Variants in VPS35L observed in about 807,000 individuals in gnomAD.
The protein encoded by VPS35L is VPS35 endosomal protein sorting factor like.
VPS35L carries 83 observed loss-of-function variants against 133.0 expected under a neutral mutation model. The observed-to-expected ratio is 0.62, with a 90% CI of 0.52 to 0.75. The LOEUF is 0.75. Among genes scored for constraint, VPS35L ranks in the 30% least tolerant of loss-of-function variants. The probability of loss-of-function intolerance (pLI) is 0.00; values close to 1 mark genes in which losing one functional copy is unlikely to be tolerated. For synonymous variants in VPS35L, 423 were observed against 449.9 expected, an observed-to-expected ratio of 0.94 and a Z score of 0.76; for missense variants, 1,083 against 1,206.8, an observed-to-expected ratio of 0.90 and a Z score of 1.52.
chr16:19,578,401 C>T (rs1430368391), intron 5 of VPS35L: 2 of 418,816 alleles, frequency 4.8e-6, no homozygotes, highest in Non-Finnish European at 4.6e-6. Context: ...AGAACAGAGG[C>T]CCCCTAAAGA....
chr16:19,669,268 G>A lies in VPS35L; in HGVS notation c.2330G>A (p.Cys777Tyr), dbSNP rs908946876. 6.2e-7 allele frequency: 1 copy of A among 1,612,696 alleles called. No homozygotes were observed. Among genetic ancestry groups the A allele is most frequent in the Non-Finnish European group, 8.5e-7 (1 of 1,179,150 alleles). The change falls in exon 27 of 31, where the codon TGC (cysteine) becomes TAC (tyrosine). Residue 777 changes from cysteine to tyrosine, a missense_variant. Coordinates refer to ENST00000417362, the MANE Select transcript of VPS35L (RefSeq NM_020314.7). The part of the protein sequence containing the change: ...PSESFLLEFL[C>Y]NFFSTLLIVP... Reference sequence around the variant, plus strand: ...GAATCGTTCCTTCTGGAATTCCTCTGCAATTTCTTTTCTACTTTATTAATA... The same window carrying A: ...GAATCGTTCCTTCTGGAATTCCTCTACAATTTCTTTTCTACTTTATTAATA...
intron 30 of VPS35L, among the ~76,000 whole-genome samples, 194 bp from the exon 31 acceptor site, chr16:19,700,184 G>A (rs962070852): frequency 3.9e-5 from 6 of 152,282 alleles, no homozygotes; most frequent in Middle Eastern, 3.4e-3. Context: ...TTCTGGTCAC[G>A]TCCAAATCTG....
At chr16:19,592,242 GTT>G (rs1164969618) in intron 8 of VPS35L, among the ~76,000 whole-genome samples, 279 of 134,044 alleles carry the variant, frequency 2.1e-3, no homozygotes, top group African/African-American at 6.9e-3. Context: ...GCCCAGCTAA[GTT>G]TTTTTTTTTT....
At chr16:19,597,325 T>C (rs777819341) in intron 8 of VPS35L, among the ~76,000 whole-genome samples, 6 of 150,642 alleles carry the variant, frequency 4.0e-5, no homozygotes, top group Non-Finnish European at 7.4e-5. Context: ...TGAGCTATGA[T>C]GGTACCACTG....
Position 19,700,536 on chromosome 16 carries a change from G to A in VPS35L, c.*60G>A. On this transcript the variant is annotated 3_prime_UTR_variant, in exon 31 of 31. Coordinates refer to ENST00000417362, the MANE Select transcript of VPS35L (RefSeq NM_020314.7). ...TGCCAAATCCAGAAAGATCTGCTCT[G>A]CTGCCCTGAACTCTTACGGCAATTT... The A allele has an allele frequency of 1.4e-6, 2 of 1,400,178 alleles. No homozygotes were observed. Among genetic ancestry groups the A allele is most frequent in the Non-Finnish European group, 2.0e-6 (2 of 991,142 alleles). 86.7% of individuals were successfully genotyped at this position (1,400,178 alleles called of 1,614,324 possible). A position where few individuals can be genotyped will look rare whatever the true frequency, so the allele number is the denominator to read the frequency against.
At chr16:19,663,444 GT>G (rs1254890706) in intron 26 of VPS35L, among the ~76,000 whole-genome samples, 1 of 151,852 alleles carries the variant, frequency 6.6e-6, no homozygotes, top group Non-Finnish European at 1.5e-5. Flanking sequence ...ATCTACATAA[GT>G]TTATATACTT....
Position 19,576,848 on chromosome 16 carries a change from A to G in VPS35L, c.433+1726A>G, listed in dbSNP as rs1971555713. Among the ~76,000 whole-genome samples the G allele has an allele frequency of 2.0e-5, 3 of 151,906 alleles. No homozygotes were observed. In the South Asian group the frequency reaches 6.2e-4, roughly 31 times the overall value. The stretch of plus-strand genomic sequence containing the variant: ...CAGCCTTCTGAGTTACTGGGACTAT[A>G]GGTGTGCACCACCAGGCCCAGCTAA... On this transcript the variant is annotated intron_variant, in intron 5 of 30. Coordinates refer to ENST00000417362, the MANE Select transcript of VPS35L (RefSeq NM_020314.7).
At chr16:19,595,730 T>C (rs964284392) in intron 8 of VPS35L, among the ~76,000 whole-genome samples, 2 of 152,214 alleles carry the variant, frequency 1.3e-5, no homozygotes, top group African/African-American at 4.8e-5. Flanking sequence ...CTCCCCGGGC[T>C]GTAGTGCAGA....
intron 9 of VPS35L, among the ~76,000 whole-genome samples, chr16:19,602,059 A>G (rs576415531): frequency 2.6e-5 from 4 of 151,702 alleles, no homozygotes; most frequent in South Asian, 4.2e-4. Flanking sequence ...ACTTGCTTGG[A>G]AAAAAAAATC....
At chr16:19,664,656 T>A (rs780918288) in intron 26 of VPS35L, among the ~76,000 whole-genome samples, 143 of 151,622 alleles carry the variant, frequency 9.4e-4, no homozygotes, top group Non-Finnish European at 1.4e-3. Context: ...ATCCCAGCAC[T>A]TTGGGAAGCC....
intron 20 of VPS35L, among the ~76,000 whole-genome samples, chr16:19,638,805 A>T (rs1249374871): frequency 2.0e-5 from 3 of 152,152 alleles, no homozygotes. Flanking sequence ...TGAGCAATGC[A>T]CAATTTCAAA....
intron 27 of VPS35L, among the ~76,000 whole-genome samples, chr16:19,676,365 C>T (rs1975062748): frequency 6.6e-6 from 1 of 152,206 alleles, no homozygotes; most frequent in Admixed American, 6.5e-5. Context: ...CAGGGTGGCC[C>T]TCTCTCCCCT....
chr16:19,633,234 G>A lies in VPS35L; in HGVS notation c.1635+62G>A. On this transcript the variant is annotated intron_variant, in intron 19 of 30. Transcript: ENST00000417362. This position sits in a 1 kb window ranked among gnomAD's most constrained non-coding sequence, Gnocchi z 4.1. Reference sequence around the variant, plus strand: ...GAATTTTGTTCTGTTGAATTAAATAGGCGTGTTGTATGGGTCAGGCTATAA... The same window carrying A: ...GAATTTTGTTCTGTTGAATTAAATAAGCGTGTTGTATGGGTCAGGCTATAA... The A allele has an allele frequency of 1.4e-6, 2 of 1,464,964 alleles. No homozygotes were observed. Among genetic ancestry groups the A allele is most frequent in the South Asian group, 2.3e-5 (2 of 87,972 alleles). 90.7% of individuals were successfully genotyped at this position (1,464,964 alleles called of 1,614,324 possible).
intron 6 of VPS35L, among the ~76,000 whole-genome samples, chr16:19,580,301 AG>A (rs1328990755): frequency 6.6e-6 from 1 of 150,576 alleles, no homozygotes; most frequent in East Asian, 2.0e-4. Context: ...TTTAGGTGAG[AG>A]GGTTTCACGA....
chr16:19,599,061 A>C (rs980719773), intron 8 of VPS35L, among the ~76,000 whole-genome samples: 1 of 152,228 alleles, frequency 6.6e-6, no homozygotes, highest in African/African-American at 2.4e-5. Context: ...TAGGGAACCC[A>C]GAGCCGCTGA....
intron 13 of VPS35L, 104 bp from the exon 14 acceptor site, chr16:19,616,582 C>T: frequency 7.2e-7 from 1 of 1,379,920 alleles, no homozygotes; most frequent in Non-Finnish European, 9.9e-7. Context: ...TCTCTCAGGG[C>T]TGTCCACATG....
chr16:19,643,616 C>T (rs952819496), intron 22 of VPS35L, among the ~76,000 whole-genome samples: 1 of 152,034 alleles, frequency 6.6e-6, no homozygotes. Flanking sequence ...CCATAGCCAC[C>T]CCTAGCTGGG....
intron 26 of VPS35L, among the ~76,000 whole-genome samples, chr16:19,653,958 TC>T (rs1456733481): frequency 2.6e-5 from 4 of 152,102 alleles, no homozygotes; most frequent in African/African-American, 9.7e-5. Context: ...CCTCTTGATT[TC>T]CCCTGTGAGC....
At chr16:19,671,594 T>G (rs1974875862) in intron 27 of VPS35L, among the ~76,000 whole-genome samples, 2 of 151,576 alleles carry the variant, frequency 1.3e-5, no homozygotes, top group African/African-American at 4.9e-5. Flanking sequence ...CTGGCCAACA[T>G]GGTAAAACCC....
Sources: gnomAD v4.1 joint callset for allele counts (sites outside exome capture counted in the v4.1 genomes callset) on GRCh38, gnomAD v4.1.1 for gene constraint, Gnocchi (gnomAD v3.1) non-coding constraint, MANE v1.5 for transcripts, NCBI Gene and HGNC (gene_info 2026-07-23, HGNC 2026-07-21) for gene names.